The following RGS6 variants were observed in gnomAD, a reference collection of about 807,000 sequenced individuals.
RGS6 encodes regulator of G protein signaling 6, also known as regulator of G-protein signaling 6.
In RGS6, 30 loss-of-function variants were observed where a neutral mutation model predicts 78.5. The ratio of observed to expected loss-of-function variants is 0.38; its 90% CI spans 0.29 to 0.52. RGS6 has a LOEUF of 0.52. Ranked by LOEUF, RGS6 falls within the 20% of genes least tolerant of loss-of-function variation. RGS6 has a pLI of 0.85. For missense variants in RGS6, 495 were observed against 609.7 expected, an observed-to-expected ratio of 0.81 and a Z score of 1.98; for synonymous variants, 206 against 206.0, an observed-to-expected ratio of 1.00 and a Z score of 0.00.
intron 15 of RGS6, among the ~76,000 whole-genome samples, chr14:72,527,524 A>T (rs568675517): frequency 2.0e-5 from 3 of 152,352 alleles, no homozygotes; most frequent in Admixed American, 6.5e-5. Context: ...CAGAGCAAAC[A>T]TCACCAACAA....
intron 2 of RGS6, among the ~76,000 whole-genome samples, chr14:72,110,931 C>T (rs1309983688): frequency 2.6e-5 from 4 of 152,100 alleles, no homozygotes; most frequent in Admixed American, 2.6e-4. Flanking sequence ...TCACTCTGAT[C>T]CCTCTAGAAT....
At chr14:71,868,436 A>G in the RGS6 span, among the ~76,000 whole-genome samples, 8 of 152,198 alleles carry the variant, frequency 5.3e-5, no homozygotes, top group African/African-American at 1.9e-4. Flanking sequence ...AAGCAGAACC[A>G]TATCATATTT....
At chr14:72,265,641 A>G (rs1243183151) in intron 2 of RGS6, among the ~76,000 whole-genome samples, 2 of 152,220 alleles carry the variant, frequency 1.3e-5, no homozygotes, top group African/African-American at 2.4e-5. Context: ...CAAGGCACAT[A>G]ATATTCACGG....
chr14:72,327,152 AT>A (rs2073989183), intron 2 of RGS6, among the ~76,000 whole-genome samples: 1 of 152,086 alleles, frequency 6.6e-6, no homozygotes, highest in East Asian at 1.9e-4. Flanking sequence ...TTATCTGTTA[AT>A]TTTTTTATGT....
At chr14:72,376,151 C>T (rs1199895820) in intron 3 of RGS6, among the ~76,000 whole-genome samples, 4 of 152,012 alleles carry the variant, frequency 2.6e-5, no homozygotes, top group South Asian at 2.1e-4. Flanking sequence ...AGAAATTCAA[C>T]AGAGATAGAT....
At chr14:72,169,715 G>A (rs1339380838) in intron 2 of RGS6, among the ~76,000 whole-genome samples, 1 of 152,170 alleles carries the variant, frequency 6.6e-6, no homozygotes, top group Non-Finnish European at 1.5e-5. Flanking sequence ...GTGGCCATGT[G>A]ACTGAGACTG....
chr14:72,354,639 AG>A (rs1448739999), intron 3 of RGS6, among the ~76,000 whole-genome samples: 1 of 152,046 alleles, frequency 6.6e-6, no homozygotes, highest in African/African-American at 2.4e-5. Flanking sequence ...CAAAAAAAAA[AG>A]TAAGCTAAAT....
chr14:72,285,411 A>G (rs1331008374), intron 2 of RGS6, among the ~76,000 whole-genome samples: 1 of 152,036 alleles, frequency 6.6e-6, no homozygotes, highest in African/African-American at 2.4e-5. Flanking sequence ...ATGGTTTTAT[A>G]TGGGTTTTCT....
chr14:71,970,227 G>A (rs2093724705), intron 2 of RGS6, among the ~76,000 whole-genome samples: 1 of 152,088 alleles, frequency 6.6e-6, no homozygotes, highest in Non-Finnish European at 1.5e-5. Flanking sequence ...GATGAAATAG[G>A]GGTTTTAGAG....
intron 2 of RGS6, among the ~76,000 whole-genome samples, chr14:72,068,791 G>A (rs764811418): frequency 4.0e-5 from 6 of 151,134 alleles, no homozygotes; most frequent in African/African-American, 9.7e-5. Context: ...CACTGCGCCC[G>A]GCCCACTCTT....
intron 2 of RGS6, among the ~76,000 whole-genome samples, chr14:72,110,698 G>T (rs1470438736): frequency 6.6e-6 from 1 of 152,164 alleles, no homozygotes; most frequent in Non-Finnish European, 1.5e-5. Flanking sequence ...TGTTGCTTTG[G>T]TATGTAAGGC....
chr14:72,393,758 T>G (rs2090539786), intron 3 of RGS6, among the ~76,000 whole-genome samples: 1 of 152,188 alleles, frequency 6.6e-6, no homozygotes, highest in Non-Finnish European at 1.5e-5. Flanking sequence ...TAACACCTCC[T>G]GGAAGTCTGA....
chr14:72,359,028 G>A (rs1447514973), intron 3 of RGS6, among the ~76,000 whole-genome samples: 2 of 152,230 alleles, frequency 1.3e-5, no homozygotes, highest in Middle Eastern at 3.4e-3. Flanking sequence ...GTTTTATAAC[G>A]GGCTTTTCCT....
intron 2 of RGS6, among the ~76,000 whole-genome samples, chr14:71,985,513 T>A (rs999192158): frequency 1.1e-4 from 16 of 152,208 alleles, no homozygotes; most frequent in Non-Finnish European, 2.1e-4. Context: ...AATTAAAAAA[T>A]TCCTAGGTCA....
the RGS6 span, among the ~76,000 whole-genome samples, chr14:72,593,483 C>A: frequency 6.6e-6 from 1 of 152,176 alleles, no homozygotes; most frequent in South Asian, 2.1e-4. Context: ...CCTCCAGGTT[C>A]AAGCAATTCT....
intron 3 of RGS6, among the ~76,000 whole-genome samples, chr14:72,356,471 T>A (rs1284094092): frequency 1.3e-5 from 2 of 152,208 alleles, no homozygotes; most frequent in African/African-American, 4.8e-5. Flanking sequence ...GATCATTCTT[T>A]ATAACAGTGT....
chr14:72,247,085 T>C (rs1395377075), intron 2 of RGS6, among the ~76,000 whole-genome samples: 1 of 152,178 alleles, frequency 6.6e-6, no homozygotes, highest in Non-Finnish European at 1.5e-5. Context: ...AAAGTTATTC[T>C]AAAAGCCTAA....
At chr14:72,395,723 C>G (rs1012339554) in intron 3 of RGS6, among the ~76,000 whole-genome samples, 1 of 151,982 alleles carries the variant, frequency 6.6e-6, no homozygotes, top group Non-Finnish European at 1.5e-5. Flanking sequence ...TGATGTTCCC[C>G]GTCCTGTGTC....
chr14:72,483,207 G>A (rs2096416473), intron 12 of RGS6, among the ~76,000 whole-genome samples: 1 of 152,162 alleles, frequency 6.6e-6, no homozygotes, highest in Admixed American at 6.5e-5. Flanking sequence ...ATGTTTGGCT[G>A]CGATTCCCCA....
Sources: allele counts gnomAD v4.1 joint callset (sites outside exome capture counted in the v4.1 genomes callset), GRCh38; gene constraint gnomAD v4.1.1; transcripts MANE v1.5; gene names NCBI Gene and HGNC (gene_info 2026-07-23, HGNC 2026-07-21).